The following GOLM2 variants were observed in gnomAD, a reference collection of about 807,000 sequenced individuals.
GOLM2 encodes protein GOLM2.
A neutral mutation model predicts 55.9 loss-of-function variants in GOLM2; 26 were observed. The ratio of observed to expected loss-of-function variants is 0.47; its 90% CI spans 0.34 to 0.65. The LOEUF is 0.65. Ranked by LOEUF, GOLM2 falls within the 30% of genes least tolerant of loss-of-function variation. The probability of loss-of-function intolerance (pLI) is 0.01; values close to 1 mark genes in which losing one functional copy is unlikely to be tolerated. For missense variants in GOLM2, 486 were observed against 531.8 expected, an observed-to-expected ratio of 0.91 and a Z score of 0.85; for synonymous variants, 165 against 194.6, an observed-to-expected ratio of 0.85 and a Z score of 1.27.
chr15:44,301,643 T>A (rs2078798207), intron 1 of GOLM2, among the ~76,000 whole-genome samples: 1 of 152,118 alleles, frequency 6.6e-6, no homozygotes, highest in Admixed American at 6.6e-5. Context: ...AGATCAGGAT[T>A]TAATGAGGCA....
In GOLM2 at chr15:44,409,026, C is replaced by G. The variant is rs1317068506; in HGVS notation, c.1241-4310C>G. 1.3e-5 allele frequency among the ~76,000 whole-genome samples: 2 copies of G among 152,022 alleles called. 1 individual carries two copies. Among genetic ancestry groups the G allele is most frequent in the African/African-American group, 4.8e-5 (2 of 41,394 alleles). On this transcript the variant is annotated intron_variant, in intron 9 of 9. Transcript: ENST00000299957. ...GGCACGGTGGCTCATGCCTGTAATC[C>G]CAGCACTTTGGGAGGCTGAGGCAGC...
chr15:44,403,706 AT>A (rs1186204883), intron 9 of GOLM2, among the ~76,000 whole-genome samples: 3 of 152,132 alleles, frequency 2.0e-5, no homozygotes, highest in African/African-American at 4.8e-5. Flanking sequence ...CACTTTTCCA[AT>A]TTCTCATCTA....
At chr15:44,304,562 T>G (rs1037860810) in intron 1 of GOLM2, among the ~76,000 whole-genome samples, 9 of 151,962 alleles carry the variant, frequency 5.9e-5, no homozygotes, top group African/African-American at 2.2e-4. Flanking sequence ...TACTTCTATT[T>G]CTAGTTCTCT....
intron 6 of GOLM2, among the ~76,000 whole-genome samples, chr15:44,364,106 G>T (rs904884026): frequency 3.3e-5 from 5 of 152,126 alleles, no homozygotes; most frequent in Admixed American, 1.3e-4. Flanking sequence ...TGACGAGTTA[G>T]TGGGTGCCGC....
chr15:44,316,028 T>C (rs960588407), intron 1 of GOLM2, among the ~76,000 whole-genome samples: 1 of 152,218 alleles, frequency 6.6e-6, no homozygotes, highest in Admixed American at 6.5e-5. Context: ...GTTTATGTGC[T>C]GTTACCTGTG....
chr15:44,332,573 A>T (rs28593377), intron 4 of GOLM2, among the ~76,000 whole-genome samples: 3 of 152,096 alleles, frequency 2.0e-5, no homozygotes, highest in East Asian at 1.9e-4. Flanking sequence ...AAAAAAAAAA[A>T]TTTAAATTAA....
At chr15:44,397,574 C>T (rs1396961612) in intron 8 of GOLM2, among the ~76,000 whole-genome samples, 1 of 149,096 alleles carries the variant, frequency 6.7e-6, no homozygotes, top group Non-Finnish European at 1.5e-5. Flanking sequence ...GCCCTCATTA[C>T]TTCTTTTTTC....
chr15:44,313,175 G>A (rs1042521975), intron 1 of GOLM2, among the ~76,000 whole-genome samples: 1 of 151,988 alleles, frequency 6.6e-6, no homozygotes, highest in Non-Finnish European at 1.5e-5. Flanking sequence ...CTTGAACCCA[G>A]TAGGTGGAGG....
intron 6 of GOLM2, among the ~76,000 whole-genome samples, chr15:44,344,780 A>AT (rs201124610): frequency 0.045 from 6,342 of 141,224 alleles, 451 homozygotes; most frequent in African/African-American, 0.15. Flanking sequence ...TATTTAATTA[A>AT]TTTTTTTTTT....
At chr15:44,395,147 A>T (rs1257606698) in intron 8 of GOLM2, among the ~76,000 whole-genome samples, 1 of 150,026 alleles carries the variant, frequency 6.7e-6, no homozygotes, top group African/African-American at 2.5e-5. Context: ...AGGAGCTGGG[A>T]CTACAGGCGC....
At chr15:44,391,171 T>C (rs542190250) in intron 8 of GOLM2, among the ~76,000 whole-genome samples, 55 of 152,192 alleles carry the variant, frequency 3.6e-4, no homozygotes, top group African/African-American at 1.3e-3. Flanking sequence ...TCAGGGTCAC[T>C]GTATGAAATC....
intron 8 of GOLM2, among the ~76,000 whole-genome samples, chr15:44,395,449 G>C (rs1354003571): frequency 6.6e-6 from 1 of 151,324 alleles, no homozygotes; most frequent in Non-Finnish European, 1.5e-5. Flanking sequence ...AGTTTTTCTT[G>C]ATTGAAATAC....
chr15:44,337,828 T>G lies in GOLM2; in HGVS notation c.642T>G (p.Pro214=), dbSNP rs1229325024. The part of the protein sequence containing the change: ...KELDINNQVV[P]KNIPKVAENV... ...TGGATATAAACAATCAAGTAGTACC[T>G]AAAAATATTCCAAAAGTAGCTGAGA... Residue 214 remains proline (P), a synonymous_variant, in exon 5 of 10, where the codon CCT becomes CCG. Transcript: ENST00000299957. 1.9e-6 allele frequency: 3 copies of G among 1,605,880 alleles called. No individual in the cohort carries two copies. The highest frequency in any genetic ancestry group is 2.5e-6 in the Non-Finnish European group (3 of 1,177,970).
chr15:44,292,731 ACT>A (rs1241412270), intron 1 of GOLM2, among the ~76,000 whole-genome samples: 1 of 151,012 alleles, frequency 6.6e-6, no homozygotes, highest in Non-Finnish European at 1.5e-5. Flanking sequence ...GTTAATGAGG[ACT>A]CTCTGAGCTG....
intron 6 of GOLM2, among the ~76,000 whole-genome samples, chr15:44,342,899 T>C (rs2079098822): frequency 6.6e-6 from 1 of 152,240 alleles, no homozygotes; most frequent in Non-Finnish European, 1.5e-5. Context: ...TTGGCTCTTA[T>C]CTTTTAACAA....
In GOLM2 at chr15:44,413,575, CT is replaced by C; in HGVS notation, c.*174del. The C allele has an allele frequency of 2.0e-6, 1 of 507,880 alleles. No individual in the cohort carries two copies. Among genetic ancestry groups the C allele is most frequent in the Non-Finnish European group, 3.5e-6 (1 of 283,204 alleles). 31.5% of individuals were successfully genotyped at this position (507,880 alleles called of 1,614,324 possible). On this transcript the variant is annotated 3_prime_UTR_variant, in exon 10 of 10. Coordinates refer to ENST00000299957, the MANE Select transcript of GOLM2 (RefSeq NM_138423.4). ...GAATGTACCCATGTACATATGTGAACTTTTTCATATTGTATTATCAAGGTAT... is the reference window on the plus strand; with the variant it reads ...GAATGTACCCATGTACATATGTGAACTTTTCATATTGTATTATCAAGGTAT...
chr15:44,383,259 C>G (rs2079417000), intron 8 of GOLM2, among the ~76,000 whole-genome samples: 1 of 151,908 alleles, frequency 6.6e-6, no homozygotes, highest in Admixed American at 6.6e-5. Flanking sequence ...TTGTTACTAT[C>G]ATTTTTTTTC....
At chr15:44,392,621 C>CAA (rs1348742634) in intron 8 of GOLM2, among the ~76,000 whole-genome samples, 3 of 73,294 alleles carry the variant, frequency 4.1e-5, no homozygotes, top group Non-Finnish European at 5.6e-5. Context: ...GACTCGGTCT[C>CAA]AAAAAAAAAA....
chr15:44,363,455 A>C lies in GOLM2; in HGVS notation c.803-16235A>C, dbSNP rs562599786. 1.6e-3 allele frequency among the ~76,000 whole-genome samples: 246 copies of C among 152,362 alleles called. 5 individuals carry two copies. Among genetic ancestry groups the C allele is most frequent in the Admixed American group, 0.016 (242 of 15,308 alleles). The stretch of plus-strand genomic sequence containing the variant: ...AACACATGGAAAAATGCTCACCATC[A>C]CTGGCCATCAGAGAAATGCAAATCA... On this transcript the variant is annotated intron_variant, in intron 6 of 9. Coordinates refer to ENST00000299957, the MANE Select transcript of GOLM2 (RefSeq NM_138423.4).
Sources: allele counts gnomAD v4.1 joint callset (sites outside exome capture counted in the v4.1 genomes callset), GRCh38; gene constraint gnomAD v4.1.1; transcripts MANE v1.5; gene names NCBI Gene and HGNC (gene_info 2026-07-23, HGNC 2026-07-21).